Variants in ACYP2 observed in about 807,000 individuals in gnomAD.
ACYP2 encodes acylphosphatase-2.
Under a neutral mutation model 11.2 loss-of-function variants are expected in ACYP2, and 12 were observed. The observed-to-expected ratio is 1.08, with a 90% CI of 0.69 to 1.74. The LOEUF is 1.74. Ranked by LOEUF, ACYP2 falls within the 40% of genes most tolerant of loss-of-function variation. The pLI is 0.00. For synonymous variants in ACYP2, 43 were observed against 32.2 expected, an observed-to-expected ratio of 1.33 and a Z score of -1.13; for missense variants, 134 against 101.9, an observed-to-expected ratio of 1.31 and a Z score of -1.35.
At chr2:54,026,732 G>A (rs147309686) in intron 2 of ACYP2, among the ~76,000 whole-genome samples, 66 of 152,202 alleles carry the variant, frequency 4.3e-4, no homozygotes, top group African/African-American at 1.5e-3. Flanking sequence ...AGCCATAAAA[G>A]GAAATGAAAT....
chr2:54,113,756 GTTCT>G (rs751420287), intron 4 of ACYP2, among the ~76,000 whole-genome samples: 20 of 152,250 alleles, frequency 1.3e-4, no homozygotes, highest in Middle Eastern at 3.4e-3. Flanking sequence ...AAGAGAAGAG[GTTCT>G]TTGTTTTAAA....
chr2:54,143,587 C>G (rs559546354), intron 6 of ACYP2, among the ~76,000 whole-genome samples: 1 of 152,166 alleles, frequency 6.6e-6, no homozygotes, highest in East Asian at 1.9e-4. Context: ...GCATATGCCA[C>G]CACTCCCAGC....
chr2:54,020,188 C>T (rs1303319522), intron 2 of ACYP2, among the ~76,000 whole-genome samples: 3 of 152,150 alleles, frequency 2.0e-5, no homozygotes, highest in African/African-American at 7.2e-5. Flanking sequence ...TCACCAGTCT[C>T]AGCCTCCCAA....
chr2:54,231,056 C>G (rs1257336079), intron 6 of ACYP2, among the ~76,000 whole-genome samples: 1 of 151,084 alleles, frequency 6.6e-6, no homozygotes, highest in Non-Finnish European at 1.5e-5. Context: ...GTCTTAAACT[C>G]CTGACCTCAG....
chr2:54,086,658 A>C (rs1011528900), intron 4 of ACYP2, among the ~76,000 whole-genome samples: 6 of 152,212 alleles, frequency 3.9e-5, no homozygotes, highest in Non-Finnish European at 5.9e-5. Flanking sequence ...AGGAGTTTCC[A>C]ATGGGAAAGA....
intron 6 of ACYP2, among the ~76,000 whole-genome samples, chr2:54,186,268 A>T (rs927955604): frequency 3.3e-5 from 5 of 152,216 alleles, no homozygotes; most frequent in African/African-American, 1.2e-4. Flanking sequence ...AAACAAGAGG[A>T]GAAAAAAAGA....
intron 6 of ACYP2, among the ~76,000 whole-genome samples, chr2:54,239,620 A>G (rs1686645159): frequency 6.6e-6 from 1 of 152,218 alleles, no homozygotes; most frequent in South Asian, 2.1e-4. Context: ...TGTCCTTGTT[A>G]GAAACACTGA....
intron 4 of ACYP2, among the ~76,000 whole-genome samples, chr2:54,126,483 T>C (rs1222139529): frequency 6.6e-6 from 1 of 151,582 alleles, no homozygotes; most frequent in African/African-American, 2.4e-5. Flanking sequence ...CTTTCACAAA[T>C]GTACGTATAC....
chr2:54,178,819 A>G (rs1183705504), intron 6 of ACYP2, among the ~76,000 whole-genome samples: 2 of 152,232 alleles, frequency 1.3e-5, no homozygotes, highest in African/African-American at 4.8e-5. Context: ...GGAACAAAGT[A>G]ACCATGAACT....
Position 54,096,205 on chromosome 2 carries a change from C to T in ACYP2, c.277+38845C>T, listed in dbSNP as rs865973223. Among the ~76,000 whole-genome samples the T allele has an allele frequency of 5.8e-4, 84 of 144,588 alleles. No individual in the cohort carries two copies. The Middle Eastern group carries it at 0.028, about 47-fold the overall frequency. The allele number at this position is 144,588 out of a possible 152,430, so 94.9% of individuals were successfully genotyped here. On this transcript the variant is annotated intron_variant, in intron 4 of 6. Transcript: ENST00000607452. Reference sequence around the variant, plus strand: ...CTCCTCACTTCTCAGACGGGGCGGCCGGGCAGAGACGCTCCTCACCTCCCA... The same window carrying T: ...CTCCTCACTTCTCAGACGGGGCGGCTGGGCAGAGACGCTCCTCACCTCCCA...
intron 3 of ACYP2, among the ~76,000 whole-genome samples, chr2:54,056,964 T>C (rs1424788294): frequency 6.6e-6 from 1 of 152,232 alleles, no homozygotes; most frequent in East Asian, 1.9e-4. Context: ...ATATGACAAA[T>C]AGTTTATCAA....
intron 4 of ACYP2, among the ~76,000 whole-genome samples, chr2:54,095,012 T>C (rs1272152237): frequency 2.0e-5 from 3 of 150,474 alleles, no homozygotes; most frequent in Non-Finnish European, 3.0e-5. Context: ...TCTCTGGTTT[T>C]CCTAGGCAGA....
chr2:54,297,002 C>T (rs188704397), intron 6 of ACYP2, among the ~76,000 whole-genome samples: 53 of 152,198 alleles, frequency 3.5e-4, no homozygotes, highest in Admixed American at 5.9e-4. Flanking sequence ...TCCATCTACC[C>T]ATCCATCCAT....
At chr2:54,252,903 C>CA (rs750791731) in intron 6 of ACYP2, among the ~76,000 whole-genome samples, 26,232 of 135,604 alleles carry the variant, frequency 0.19, 2,284 homozygotes, top group Non-Finnish European at 0.21. Flanking sequence ...GACTCCGTCT[C>CA]AAAAAAAAAA....
intron 4 of ACYP2, among the ~76,000 whole-genome samples, chr2:54,110,135 T>A (rs1156253278): frequency 6.6e-6 from 1 of 152,198 alleles, no homozygotes; most frequent in Non-Finnish European, 1.5e-5. Context: ...AAACTTCACG[T>A]AAGCATTTTA....
chr2:54,085,466 A>T (rs997278053), intron 4 of ACYP2, among the ~76,000 whole-genome samples: 4 of 152,012 alleles, frequency 2.6e-5, no homozygotes, highest in Admixed American at 2.0e-4. Context: ...CTTTTTTTTT[A>T]AATTCATCTT....
intron 6 of ACYP2, among the ~76,000 whole-genome samples, chr2:54,177,150 A>T (rs947412443): frequency 6.6e-6 from 1 of 151,746 alleles, no homozygotes; most frequent in African/African-American, 2.4e-5. Context: ...CCCTCCATCC[A>T]CCTCTGTTCT....
intron 6 of ACYP2, among the ~76,000 whole-genome samples, chr2:54,168,975 A>G (rs1683120698): frequency 1.3e-5 from 2 of 152,288 alleles, no homozygotes; most frequent in South Asian, 4.1e-4. Flanking sequence ...TTTTGGCGTC[A>G]TTTTCCTTTA....
intron 2 of ACYP2, among the ~76,000 whole-genome samples, chr2:54,024,844 A>C (rs1674194182): frequency 6.6e-6 from 1 of 152,162 alleles, no homozygotes; most frequent in Non-Finnish European, 1.5e-5. Context: ...AACTGTAAAG[A>C]CTCATCCAAA....
Sources: gnomAD v4.1 joint callset for allele counts (sites outside exome capture counted in the v4.1 genomes callset) on GRCh38, gnomAD v4.1.1 for gene constraint, MANE v1.5 for transcripts, NCBI Gene and HGNC (gene_info 2026-07-23, HGNC 2026-07-21) for gene names.